The following CROCC2 variants were observed in gnomAD, a reference collection of about 807,000 sequenced individuals.
CROCC2 encodes ciliary rootlet coiled-coil, rootletin family member 2.
In CROCC2, 163 loss-of-function variants were observed where a neutral mutation model predicts 177.6. That is an observed-to-expected ratio of 0.92 (90% confidence interval 0.81 to 1.05). The LOEUF (loss-of-function observed/expected upper bound fraction) is 1.05. Ranked by LOEUF, CROCC2 falls within the 50% of genes least tolerant of loss-of-function variation. The pLI is 0.00. For synonymous variants in CROCC2, 904 were observed against 787.3 expected (o/e 1.15, Z -2.48); for missense variants, 1,929 against 1,797.8 (o/e 1.07, Z -1.32).
intron 2 of CROCC2, among the ~76,000 whole-genome samples, 152 bp from the exon 3 acceptor site, chr2:240,919,831 G>A (rs2059346434): frequency 6.6e-6 from 1 of 152,168 alleles, no homozygotes; most frequent in Admixed American, 6.5e-5. Context: ...AGGGTCCCGG[G>A]CTCAGATCTG....
chr2:240,956,133 G>T (rs2059588725), intron 19 of CROCC2, among the ~76,000 whole-genome samples, 161 bp downstream of exon 19: 1 of 152,210 alleles, frequency 6.6e-6, no homozygotes, highest in African/African-American at 2.4e-5. Flanking sequence ...TGGTGGGAGG[G>T]GCACTCAATG....
At chr2:240,923,368 C>T (rs991695687) in intron 4 of CROCC2, among the ~76,000 whole-genome samples, 2 of 151,840 alleles carry the variant, frequency 1.3e-5, no homozygotes, top group African/African-American at 4.8e-5. Flanking sequence ...CACCCACTCA[C>T]ACCCTGAGAT....
intron 5 of CROCC2, 83 bp downstream of exon 5, chr2:240,925,963 G>T: frequency 1.6e-6 from 1 of 624,434 alleles, no homozygotes; most frequent in Non-Finnish European, 2.9e-6. Context: ...ACATGGTGAG[G>T]GTGCACTGGC....
Position 240,949,391 on chromosome 2 carries a change from C to T in CROCC2, c.2483-142C>T, listed in dbSNP as rs1051829816. 1.8e-6 allele frequency: 2 copies of T among 1,129,446 alleles called. No homozygotes were observed. Among genetic ancestry groups the T allele is most frequent in the South Asian group, 1.6e-5 (1 of 64,306 alleles). 70.0% of individuals were successfully genotyped at this position (1,129,446 alleles called of 1,614,324 possible). ...CCTGTACCCTTGACCCTGCTCAGCC[C>T]ACCCTGCCATGTGCTGGCCACCCAC... On this transcript the variant is annotated intron_variant, in intron 16 of 31. Transcript: ENST00000690015. This position sits in a 1 kb window ranked among gnomAD's most constrained non-coding sequence, Gnocchi z 4.5.
intron 3 of CROCC2, among the ~76,000 whole-genome samples, 166 bp downstream of exon 3, chr2:240,920,300 G>T (rs1559590216): frequency 6.6e-6 from 1 of 152,190 alleles, no homozygotes; most frequent in Admixed American, 6.5e-5. Context: ...GCAACAGACA[G>T]GGAAACTGAG....
chr2:240,963,883 G>A lies in CROCC2; in HGVS notation c.3305+110G>A, dbSNP rs114723665. 9,521 of 1,188,806 alleles carry A rather than the reference G, an allele frequency of 8.0e-3. 481 individuals are homozygous for A. In the African/African-American group the frequency reaches 0.12, roughly 15 times the overall value. The allele number at this position is 1,188,806 out of a possible 1,614,324, so 73.6% of individuals were successfully genotyped here. Reference sequence around the variant, plus strand: ...AGGCAGGGGCGTCCTGTTGACTTGGGCCCCACTGATGGTGGGGTAGACATG... The same window carrying A: ...AGGCAGGGGCGTCCTGTTGACTTGGACCCCACTGATGGTGGGGTAGACATG... On this transcript the variant is annotated intron_variant, in intron 21 of 31. Coordinates refer to ENST00000690015, the MANE Select transcript of CROCC2 (RefSeq NM_001351305.2).
At chr2:240,933,938 G>A (rs574318111) in intron 11 of CROCC2, 86 bp downstream of exon 11, 20 of 1,404,852 alleles carry the variant, frequency 1.4e-5, no homozygotes, top group Middle Eastern at 2.6e-4. Flanking sequence ...CTTGGGCCAC[G>A]GGTCTGCTTT....
Position 240,982,800 on chromosome 2 carries a change from A to G in CROCC2, c.4402-80A>G, listed in dbSNP as rs2059809884. On this transcript the variant is annotated intron_variant, in intron 27 of 31. Transcript: ENST00000690015. The surrounding 1 kb of genome is among the most constrained non-coding windows in gnomAD (Gnocchi z 4.7). Reference sequence around the variant, plus strand: ...CGGTCCTGCCAGACGGTCTAGGCAGATGCCCTGAGGCCAGGGTTTCCCTGC... The same window carrying G: ...CGGTCCTGCCAGACGGTCTAGGCAGGTGCCCTGAGGCCAGGGTTTCCCTGC... 2 of 1,313,436 alleles carry G rather than the reference A, an allele frequency of 1.5e-6. No homozygotes were observed. The highest frequency in any genetic ancestry group is 4.7e-5 in the Admixed American group (2 of 42,522). The allele number at this position is 1,313,436 out of a possible 1,614,324, so 81.4% of individuals were successfully genotyped here. A position where few individuals can be genotyped will look rare whatever the true frequency, so the allele number is the denominator to read the frequency against.
chr2:240,957,731 A>T (rs2059601824), intron 19 of CROCC2: 1 of 153,044 alleles, frequency 6.5e-6, no homozygotes, highest in South Asian at 2.1e-4. Flanking sequence ...CTGGCAGCCC[A>T]GGGGAGACTT....
chr2:240,962,006 TCACCCACACACA>T (rs1484495947), intron 20 of CROCC2, among the ~76,000 whole-genome samples: 2 of 65,284 alleles, frequency 3.1e-5, no homozygotes, highest in Non-Finnish European at 6.3e-5. Context: ...CACACACTCA[TCACCCACACACA>T]CACACACACA....
chr2:240,948,339 T>A (rs2106468956), intron 15 of CROCC2, among the ~76,000 whole-genome samples: 1 of 151,926 alleles, frequency 6.6e-6, no homozygotes, highest in Admixed American at 6.5e-5. Flanking sequence ...GGAAGAGAAA[T>A]GGAGGCAGGG....
chr2:240,964,097 G>C, intron 21 of CROCC2: 1 of 539,352 alleles, frequency 1.9e-6, no homozygotes, highest in South Asian at 2.3e-5. Context: ...GGCCTGGCTG[G>C]GGCTCTAGAA....
At chr2:240,909,901 C>T (rs76569218) in intron 1 of CROCC2, among the ~76,000 whole-genome samples, 6,164 of 152,188 alleles carry the variant, frequency 0.041, 174 homozygotes, top group Non-Finnish European at 0.063. Flanking sequence ...GCCTGGGAGA[C>T]CATAGGGCCT....
rs906699566 is a variant in CROCC2 at position 240,935,077 on chromosome 2, A to T, written c.1938+15A>T. 7.5e-7 allele frequency: 1 copy of T among 1,341,782 alleles called. No homozygotes were observed. The highest frequency in any genetic ancestry group is 9.6e-7 in the Non-Finnish European group (1 of 1,039,184). The allele number at this position is 1,341,782 out of a possible 1,614,324, so 83.1% of individuals were successfully genotyped here. A position where few individuals can be genotyped will look rare whatever the true frequency, so the allele number is the denominator to read the frequency against. ...TGGCTCTCCAGGTGAGACAAGGGCC[A>T]GTGGGGCGGGCCTCGCTGGAACCTG... On this transcript the variant is annotated intron_variant, in intron 13 of 31. Coordinates refer to ENST00000690015, the MANE Select transcript of CROCC2 (RefSeq NM_001351305.2).
intron 31 of CROCC2, among the ~76,000 whole-genome samples, chr2:240,991,624 A>G (rs542354663): frequency 6.6e-6 from 1 of 152,276 alleles, no homozygotes; most frequent in East Asian, 1.9e-4. Context: ...CTCATCTCTG[A>G]CAGCCCCTTC....
intron 27 of CROCC2, among the ~76,000 whole-genome samples, chr2:240,975,302 G>C (rs2059752327): frequency 6.6e-6 from 1 of 152,210 alleles, no homozygotes; most frequent in African/African-American, 2.4e-5. Flanking sequence ...CCTGCCCTCT[G>C]TCTGGCCCCA....
rs897204038 is a variant in CROCC2 at position 240,962,592 on chromosome 2, G to A, written c.3088-964G>A. 7.2e-5 allele frequency among the ~76,000 whole-genome samples: 11 copies of A among 152,324 alleles called. No homozygotes were observed. The East Asian group carries it at 1.5e-3, about 21-fold the overall frequency. ...CGGTCGGGGGCCTGGACAATATCCC[G>A]TGAAAACAGCCAGAAAGAGGGGTTT... On this transcript the variant is annotated intron_variant, in intron 20 of 31. Coordinates refer to ENST00000690015, the MANE Select transcript of CROCC2 (RefSeq NM_001351305.2).
chr2:240,983,721 C>T, intron 28 of CROCC2: 1 of 925,544 alleles, frequency 1.1e-6, no homozygotes, highest in Non-Finnish European at 1.5e-6. Context: ...AGGGTCAGGA[C>T]GCCCGCAGGT....
chr2:240,915,232 G>A (rs533849669), intron 1 of CROCC2, among the ~76,000 whole-genome samples: 5 of 152,216 alleles, frequency 3.3e-5, no homozygotes, highest in African/African-American at 1.2e-4. Flanking sequence ...TAAGAGGAGA[G>A]GCCCTGGTAG....
Sources: allele counts gnomAD v4.1 joint callset (sites outside exome capture counted in the v4.1 genomes callset), GRCh38; gene constraint gnomAD v4.1.1; non-coding constraint Gnocchi (gnomAD v3.1); transcripts MANE v1.5; gene names NCBI Gene and HGNC (gene_info 2026-07-23, HGNC 2026-07-21).